The following THSD7B variants were observed in gnomAD, a reference collection of about 807,000 sequenced individuals.
THSD7B encodes the protein thrombospondin type 1 domain containing 7B.
THSD7B carries 138 observed loss-of-function variants against 213.6 expected under a neutral mutation model. The observed-to-expected ratio is 0.65, with a 90% CI of 0.56 to 0.74. The LOEUF (loss-of-function observed/expected upper bound fraction) is 0.74, where lower values mean the gene tolerates loss of function less well. THSD7B is among the 30% of genes least tolerant of loss of function. The pLI, the probability that THSD7B is intolerant of heterozygous loss-of-function variation, is 0.00. For missense variants in THSD7B, 1,931 were observed against 1,991.5 expected, an observed-to-expected ratio of 0.97 and a Z score of 0.58; for synonymous variants, 742 against 687.0, an observed-to-expected ratio of 1.08 and a Z score of -1.25.
Position 137,378,044 on chromosome 2 carries a change from C to T in THSD7B, c.2501-27569C>T, listed in dbSNP as rs75929326. Reference sequence around the variant, plus strand: ...AAGAGAAACACCTTAGCAGTCATTCCCCATTGAATTATTTTTAATGGAAGA... The same window carrying T: ...AAGAGAAACACCTTAGCAGTCATTCTCCATTGAATTATTTTTAATGGAAGA... On this transcript the variant is annotated intron_variant, in intron 12 of 27. Coordinates refer to ENST00000409968, the MANE Select transcript of THSD7B (RefSeq NM_001316349.2). 1.2e-3 allele frequency among the ~76,000 whole-genome samples: 179 copies of T among 152,116 alleles called. 1 individual carries two copies. The highest frequency in any genetic ancestry group is 3.8e-3 in the African/African-American group (158 of 41,510).
At chr2:136,943,154 T>G (rs1488116445) in intron 2 of THSD7B, among the ~76,000 whole-genome samples, 1 of 152,228 alleles carries the variant, frequency 6.6e-6, no homozygotes, top group Non-Finnish European at 1.5e-5. Context: ...GTTTTTGTCA[T>G]TGGTTCTGTT....
intron 2 of THSD7B, among the ~76,000 whole-genome samples, chr2:137,006,113 G>A (rs898174338): frequency 2.6e-5 from 4 of 152,118 alleles, no homozygotes; most frequent in Non-Finnish European, 5.9e-5. Flanking sequence ...TACGTATAGG[G>A]CCGGGAGCGG....
At chr2:137,597,206 T>C (rs144490470) in intron 17 of THSD7B, among the ~76,000 whole-genome samples, 4 of 152,212 alleles carry the variant, frequency 2.6e-5, no homozygotes, top group South Asian at 2.1e-4. Context: ...ATACAATCTT[T>C]GTTGTAATGA....
At chr2:137,267,105 C>A (rs1040586830) in intron 10 of THSD7B, among the ~76,000 whole-genome samples, 7 of 152,100 alleles carry the variant, frequency 4.6e-5, no homozygotes, top group Non-Finnish European at 1.0e-4. Context: ...TGTTTGTAGC[C>A]CATTCGTGTG....
intron 3 of THSD7B, among the ~76,000 whole-genome samples, chr2:137,080,850 G>A (rs1006432184): frequency 2.0e-5 from 3 of 152,052 alleles, no homozygotes; most frequent in African/African-American, 7.2e-5. Flanking sequence ...AGAAGTTTCA[G>A]TCATTTTGCC....
At chr2:137,404,427 T>TGA (rs1297117336) in intron 12 of THSD7B, among the ~76,000 whole-genome samples, 5 of 70,384 alleles carry the variant, frequency 7.1e-5, no homozygotes, top group Non-Finnish European at 1.3e-4. Flanking sequence ...AAAGAAACTC[T>TGA]GAGATATATA....
chr2:137,376,605 AT>A (rs1371294907), intron 12 of THSD7B, among the ~76,000 whole-genome samples: 5 of 152,218 alleles, frequency 3.3e-5, no homozygotes, highest in African/African-American at 1.2e-4. Flanking sequence ...GAATTAGCAT[AT>A]TTATTCTTTC....
chr2:137,256,553 A>C (rs1573915355), intron 10 of THSD7B, among the ~76,000 whole-genome samples: 1 of 152,280 alleles, frequency 6.6e-6, no homozygotes, highest in East Asian at 1.9e-4. Context: ...GGGATACACA[A>C]CCCATATGGG....
intron 1 of THSD7B, among the ~76,000 whole-genome samples, chr2:136,876,774 C>CTGAG (rs1160975652): frequency 1.3e-5 from 2 of 152,170 alleles, no homozygotes; most frequent in Non-Finnish European, 2.9e-5. Flanking sequence ...AGGGCAGAAG[C>CTGAG]TGAGATTCCA....
rs1176439881 is a variant in THSD7B, at chr2:137,274,326, C to T, written c.2397-1597C>T. 2.6e-5 allele frequency among the ~76,000 whole-genome samples: 4 copies of T among 152,186 alleles called. No individual in the cohort carries two copies. In the East Asian group the frequency reaches 5.8e-4, roughly 22 times the overall value. The stretch of plus-strand genomic sequence containing the variant: ...ATCTTCTGATTCTTCTTTCTGACTC[C>T]ATTAAGGTGATATATTCACATGTTT... On this transcript the variant is annotated intron_variant, in intron 11 of 27. Transcript: ENST00000409968.
At chr2:136,822,832 T>A (rs1235593817) in intron 1 of THSD7B, among the ~76,000 whole-genome samples, 1 of 152,290 alleles carries the variant, frequency 6.6e-6, no homozygotes, top group East Asian at 1.9e-4. Context: ...CTAATATTTT[T>A]AAAAACTCCC....
chr2:137,283,820 T>C (rs1380186343), intron 12 of THSD7B, among the ~76,000 whole-genome samples: 7 of 152,178 alleles, frequency 4.6e-5, no homozygotes, highest in African/African-American at 1.7e-4. Flanking sequence ...ATTGAGGGTT[T>C]TTGCATCAAT....
chr2:136,961,021 G>A (rs1451817752), intron 2 of THSD7B, among the ~76,000 whole-genome samples: 1 of 137,580 alleles, frequency 7.3e-6, no homozygotes, highest in Admixed American at 7.8e-5. Flanking sequence ...CCCGGGAGAT[G>A]GAGCTTGCAG....
intron 12 of THSD7B, among the ~76,000 whole-genome samples, chr2:137,291,741 T>G (rs1007910055): frequency 1.3e-5 from 2 of 152,114 alleles, no homozygotes; most frequent in Admixed American, 6.6e-5. Context: ...AAAGTATATT[T>G]CTAGTGAAAT....
At chr2:136,848,000 G>T (rs2104961074) in intron 1 of THSD7B, among the ~76,000 whole-genome samples, 1 of 152,218 alleles carries the variant, frequency 6.6e-6, no homozygotes, top group Middle Eastern at 3.4e-3. Context: ...TCACTGTGGG[G>T]GTGGAAGGGA....
At chr2:137,298,480 G>A (rs770642583) in intron 12 of THSD7B, among the ~76,000 whole-genome samples, 1 of 152,154 alleles carries the variant, frequency 6.6e-6, no homozygotes, top group Non-Finnish European at 1.5e-5. Context: ...TGCATAAGTA[G>A]CAAGAAGCCT....
intron 3 of THSD7B, among the ~76,000 whole-genome samples, chr2:137,080,646 A>G (rs764729104): frequency 1.3e-5 from 2 of 151,882 alleles, no homozygotes; most frequent in African/African-American, 4.8e-5. Context: ...TCAGTTTTAA[A>G]TTATTTCCAC....
chr2:136,992,125 T>G (rs915245120), intron 2 of THSD7B, among the ~76,000 whole-genome samples: 10 of 152,236 alleles, frequency 6.6e-5, no homozygotes, highest in African/African-American at 2.4e-4. Flanking sequence ...AATAATTTAG[T>G]TGATTGATAT....
chr2:136,904,731 C>T (rs1360258615), intron 2 of THSD7B, among the ~76,000 whole-genome samples: 1 of 151,954 alleles, frequency 6.6e-6, no homozygotes, highest in Non-Finnish European at 1.5e-5. Context: ...CAATGATTGG[C>T]CCTGGGGTCT....
Sources: allele counts gnomAD v4.1 joint callset (sites outside exome capture counted in the v4.1 genomes callset), GRCh38; gene constraint gnomAD v4.1.1; transcripts MANE v1.5; gene names NCBI Gene and HGNC (gene_info 2026-07-23, HGNC 2026-07-21).